Variants in EPG5 observed in about 807,000 individuals in gnomAD.
EPG5 encodes ectopic P-granules 5 autophagy tethering factor, also known as ectopic P granules protein 5 homolog.
In EPG5, 159 loss-of-function variants were observed where a neutral mutation model predicts 302.7. The ratio of observed to expected loss-of-function variants is 0.53; its 90% CI spans 0.46 to 0.60. EPG5 has a LOEUF of 0.60. EPG5 is among the 20% of genes least tolerant of loss of function. The pLI, the probability that EPG5 is intolerant of heterozygous loss-of-function variation, is 0.00. For missense variants in EPG5, 2,896 were observed against 3,092.4 expected (o/e 0.94, Z 1.51); for synonymous variants, 1,158 against 1,136.8 (o/e 1.02, Z -0.37).
intron 24 of EPG5, 50 bp downstream of exon 24, chr18:45,907,908 A>C: frequency 4.7e-6 from 7 of 1,500,464 alleles, no homozygotes; most frequent in Non-Finnish European, 6.2e-6. Context: ...TTCAAATTAC[A>C]TTCAGATATG....
At chr18:45,961,370 T>TC (rs2051145691) in intron 1 of EPG5, among the ~76,000 whole-genome samples, 1 of 152,174 alleles carries the variant, frequency 6.6e-6, no homozygotes, top group African/African-American at 2.4e-5. Flanking sequence ...TTTTCTGACT[T>TC]CATCTCCTAC....
At chr18:45,908,596 T>A (rs1378020379) in intron 23 of EPG5, among the ~76,000 whole-genome samples, 1 of 152,134 alleles carries the variant, frequency 6.6e-6, no homozygotes. Context: ...CAAATAAATA[T>A]CACAGCATGT....
Position 45,916,435 on chromosome 18 carries a change from C to T in EPG5, c.3384+3G>A, listed in dbSNP as rs1235955647. 1.9e-6 allele frequency: 3 copies of T among 1,609,092 alleles called. No individual in the cohort carries two copies. The highest frequency in any genetic ancestry group is 1.1e-5 in the South Asian group (1 of 90,956). ...TGTGCTTAGGGGCTTGCAAGGCCCT[C>T]ACCTGGATCATGCTGTTGAGAAGCT... On this transcript the variant is annotated splice_donor_region_variant and intron_variant, in intron 18 of 43. Transcript: ENST00000282041.
intron 30 of EPG5, among the ~76,000 whole-genome samples, chr18:45,884,249 T>C (rs976962523): frequency 5.9e-5 from 9 of 152,152 alleles, no homozygotes; most frequent in African/African-American, 1.9e-4. Context: ...GCGAACCCTA[T>C]TGTGACCTGT....
At position 45,858,588 on chromosome 18, in the gene EPG5, A is replaced by C; in HGVS notation, c.7204T>G (p.Trp2402Gly). 1 of 1,614,210 alleles carries C rather than the reference A, an allele frequency of 6.2e-7. No individual in the cohort carries two copies. Residue 2402 changes from tryptophan to glycine, a missense_variant, in exon 41 of 44, where the codon TGG becomes GGG. Around this residue, in one of 5 missense-constraint regions of EPG5, gnomAD observed 620 missense variants for 704.2 expected, o/e 0.88. Transcript: ENST00000282041. ...EMKVLLILSK[W>G]LEQVYPSSVE... ...TACCTTGGGTACACCTGTTCCAGCC[A>C]CTTGCTTAAGATGAGCAGCACTTTC...
At position 45,865,765 on chromosome 18, in the gene EPG5, C is replaced by CAAA. The variant is rs11333207; in HGVS notation, c.6622-9_6622-7dup. 161 of 1,411,494 alleles carry CAAA rather than the reference C, an allele frequency of 1.1e-4. No homozygotes were observed. Among genetic ancestry groups the CAAA allele is most frequent in the South Asian group, 2.5e-4 (18 of 71,748 alleles). 87.4% of individuals were successfully genotyped at this position (1,411,494 alleles called of 1,614,324 possible). ...TGGCATTTTGGAACTGCATCCTGACCAAAAAAAAAAAAAAAAATCATTCAA... is the reference window on the plus strand; with the variant it reads ...TGGCATTTTGGAACTGCATCCTGACCAAAAAAAAAAAAAAAAAAAATCATTCAA... On this transcript the variant is annotated splice_region_variant and splice_polypyrimidine_tract_variant and intron_variant, in intron 38 of 43. Transcript: ENST00000282041.
At chr18:45,816,790 C>T in the EPG5 span, among the ~76,000 whole-genome samples, 3 of 152,116 alleles carry the variant, frequency 2.0e-5, no homozygotes, top group Non-Finnish European at 4.4e-5. Flanking sequence ...GAAAAGAAGT[C>T]ATTATACAAA....
chr18:45,910,593 T>A lies in EPG5; in HGVS notation c.4133A>T (p.Glu1378Val). ...KALRVPAEGSEGLPESHSGTP... is the reference protein window; with the variant it reads ...KALRVPAEGSVGLPESHSGTP... ...GCCAGAGTGGCTCTCTGGCAGCCCT[T>A]CACTGCCCTCTGCTGGAACACGGAG... The change falls in exon 23 of 44, where the codon GAA becomes GTA. Residue 1378 changes from glutamate to valine, a missense_variant. By Grantham distance (121) the Glu-to-Val change is moderately radical (BLOSUM62 -2). Coordinates refer to ENST00000282041, the MANE Select transcript of EPG5 (RefSeq NM_020964.3). 2 of 1,614,098 alleles carry A rather than the reference T, an allele frequency of 1.2e-6. No individual in the cohort carries two copies. Among genetic ancestry groups the A allele is most frequent in the Non-Finnish European group, 8.5e-7 (1 of 1,180,014 alleles).
At chr18:45,870,883 G>A in intron 35 of EPG5, 141 bp from the exon 36 acceptor site, 1 of 627,848 alleles carries the variant, frequency 1.6e-6, no homozygotes, top group Non-Finnish European at 2.6e-6. Context: ...TAGGGAGAGT[G>A]GTTAAGGGGA....
the EPG5 span, among the ~76,000 whole-genome samples, chr18:45,818,785 G>A: frequency 6.9e-6 from 1 of 145,542 alleles, no homozygotes; most frequent in African/African-American, 2.6e-5. Context: ...TCAGGCTGGA[G>A]TGCAGTGGCG....
chr18:45,960,224 A>G (rs141565570), intron 1 of EPG5, among the ~76,000 whole-genome samples: 123 of 152,364 alleles, frequency 8.1e-4, no homozygotes, highest in African/African-American at 2.9e-3. Flanking sequence ...TATCAATTCC[A>G]TGTGTATCAA....
At chr18:45,881,377 C>A (rs1292610772) in intron 31 of EPG5, among the ~76,000 whole-genome samples, 1 of 152,206 alleles carries the variant, frequency 6.6e-6, no homozygotes, top group Non-Finnish European at 1.5e-5. Flanking sequence ...TTCCACCATT[C>A]TCCACCCACC....
At chr18:45,863,050 G>A (rs2048669646) in intron 39 of EPG5, among the ~76,000 whole-genome samples, 1 of 152,078 alleles carries the variant, frequency 6.6e-6, no homozygotes. Context: ...AATACACAGA[G>A]ATGAACATCT....
chr18:45,917,858 C>G (rs2050068025), intron 16 of EPG5, 39 bp from the exon 17 acceptor site: 4 of 1,608,422 alleles, frequency 2.5e-6, no homozygotes, highest in African/African-American at 2.7e-5. Flanking sequence ...CACAAGGGAG[C>G]TGGTTCATAA....
chr18:45,819,459 T>C, the EPG5 span, among the ~76,000 whole-genome samples: 1 of 152,134 alleles, frequency 6.6e-6, no homozygotes, highest in African/African-American at 2.4e-5. Context: ...AGCTGAGAAG[T>C]TCAAGGCCAG....
At chr18:45,965,744 T>C (rs2051233842) in intron 1 of EPG5, among the ~76,000 whole-genome samples, 1 of 152,236 alleles carries the variant, frequency 6.6e-6, no homozygotes, top group African/African-American at 2.4e-5. Context: ...GCATTTAATC[T>C]GTTCATCTTA....
chr18:45,927,591 T>TATATAC (rs1555676772), intron 13 of EPG5, among the ~76,000 whole-genome samples: 3 of 75,514 alleles, frequency 4.0e-5, no homozygotes, highest in African/African-American at 1.2e-4. Context: ...AACAAAAAGT[T>TATATAC]ATACACACAC....
chr18:45,859,967 C>T, intron 40 of EPG5, 137 bp downstream of exon 40: 1 of 1,136,018 alleles, frequency 8.8e-7, no homozygotes, highest in South Asian at 1.5e-5. Flanking sequence ...CAGAAACATC[C>T]ACAACATTTG....
At chr18:45,816,035 G>A in the EPG5 span, among the ~76,000 whole-genome samples, 2 of 152,162 alleles carry the variant, frequency 1.3e-5, no homozygotes, top group African/African-American at 4.8e-5. Flanking sequence ...AACATAAAGT[G>A]GAGAAAGCAC....
Sources: gnomAD v4.1 joint callset for allele counts (sites outside exome capture counted in the v4.1 genomes callset) on GRCh38, gnomAD v4.1.1 for gene constraint, gnomAD v4.1.1 regional missense constraint, MANE v1.5 for transcripts, NCBI Gene and HGNC (gene_info 2026-07-23, HGNC 2026-07-21) for gene names.